The following PXDNL variants were observed in gnomAD, a reference collection of about 807,000 sequenced individuals.
PXDNL encodes the protein probable oxidoreductase PXDNL.
A neutral mutation model predicts 150.8 loss-of-function variants in PXDNL; 145 were observed. The ratio of observed to expected loss-of-function variants is 0.96; its 90% CI spans 0.84 to 1.10. The LOEUF (loss-of-function observed/expected upper bound fraction) is 1.10. PXDNL is among the 50% of genes least tolerant of loss of function. The pLI, the probability that PXDNL is intolerant of heterozygous loss-of-function variation, is 0.00. For missense variants in PXDNL, 2,087 were observed against 1,873.9 expected (o/e 1.11, Z -2.10); for synonymous variants, 757 against 725.7 (o/e 1.04, Z -0.69).
At chr8:51,701,415 A>G (rs1357891215) in intron 1 of PXDNL, among the ~76,000 whole-genome samples, 1 of 152,140 alleles carries the variant, frequency 6.6e-6, no homozygotes, top group Non-Finnish European at 1.5e-5. Context: ...ATACAGATTT[A>G]ATGCATTATT....
Position 51,372,047 on chromosome 8 carries a change from C to T in PXDNL, c.3727G>A (p.Ala1243Thr). Residue 1243 changes from alanine (A) to threonine (T), a missense_variant, in exon 19 of 23, where the codon GCA (alanine) becomes ACA (threonine). Coordinates refer to ENST00000356297, the MANE Select transcript of PXDNL (RefSeq NM_144651.5). The stretch of plus-strand genomic sequence containing the variant: ...GCCTGCTTCAGCTGAGTGAGTTGTG[C>T]CGGGGTAAATACTCCAGGGTTTTCA... Reference protein sequence around the residue: ...WYENPGVFTPAQLTQLKQASL... With the variant: ...WYENPGVFTPTQLTQLKQASL... 2 of 1,604,400 alleles carry T rather than the reference C, an allele frequency of 1.2e-6. No individual in the cohort carries two copies. The highest frequency in any genetic ancestry group is 1.1e-5 in the South Asian group (1 of 89,480).
At chr8:51,577,926 A>G (rs745486752) in intron 3 of PXDNL, among the ~76,000 whole-genome samples, 1 of 35,482 alleles carries the variant, frequency 2.8e-5, no homozygotes, top group Non-Finnish European at 6.2e-5. Context: ...AAGAAAGAAA[A>G]GAAAGAAAGA....
chr8:51,555,819 T>G (rs1263910816), intron 4 of PXDNL, among the ~76,000 whole-genome samples: 1 of 152,324 alleles, frequency 6.6e-6, no homozygotes, highest in African/African-American at 2.4e-5. Flanking sequence ...GAATAAAACA[T>G]CAAATTGCAG....
chr8:51,419,536 TC>T (rs1425097442), intron 14 of PXDNL, among the ~76,000 whole-genome samples: 1 of 152,190 alleles, frequency 6.6e-6, no homozygotes, highest in East Asian at 1.9e-4. Flanking sequence ...GTGGCCGAGA[TC>T]AGTGAAGTCT....
chr8:51,413,121 G>C, intron 15 of PXDNL, 29 bp downstream of exon 15: 1 of 1,299,802 alleles, frequency 7.7e-7, no homozygotes, highest in South Asian at 1.2e-5. Flanking sequence ...TGAAAACAAG[G>C]TTTCAATCTG....
chr8:51,674,664 G>A (rs1319334495), intron 1 of PXDNL, among the ~76,000 whole-genome samples: 1 of 152,230 alleles, frequency 6.6e-6, no homozygotes, highest in Non-Finnish European at 1.5e-5. Flanking sequence ...GTGCTGAGGA[G>A]CATGGACCTG....
At chr8:51,502,798 T>C (rs981866099) in intron 4 of PXDNL, among the ~76,000 whole-genome samples, 8 of 152,124 alleles carry the variant, frequency 5.3e-5, no homozygotes, top group Admixed American at 2.6e-4. Flanking sequence ...TCCTCCATAG[T>C]TTGCACAGGT....
At chr8:51,641,875 T>A (rs199990777) in intron 2 of PXDNL, among the ~76,000 whole-genome samples, 13,755 of 152,128 alleles carry the variant, frequency 0.09, 907 homozygotes, top group East Asian at 0.23. Context: ...AAAAGGACTA[T>A]AAATCATGCT....
chr8:51,466,161 G>A (rs1042409088), intron 8 of PXDNL, among the ~76,000 whole-genome samples: 4 of 152,036 alleles, frequency 2.6e-5, no homozygotes, highest in Admixed American at 6.6e-5. Flanking sequence ...ATTCTACAAG[G>A]CTACACTAAA....
intron 4 of PXDNL, among the ~76,000 whole-genome samples, chr8:51,524,950 C>G (rs1314172321): frequency 6.6e-6 from 1 of 152,216 alleles, no homozygotes; most frequent in Admixed American, 6.5e-5. Flanking sequence ...AACACTAAAA[C>G]TGTTGACTCA....
chr8:51,583,697 A>T (rs1253816533), intron 3 of PXDNL, among the ~76,000 whole-genome samples: 1 of 152,144 alleles, frequency 6.6e-6, no homozygotes, highest in Non-Finnish European at 1.5e-5. Context: ...CTTCCATGGT[A>T]GGTGTTTATT....
intron 1 of PXDNL, among the ~76,000 whole-genome samples, chr8:51,701,598 C>T (rs1200249241): frequency 6.6e-6 from 1 of 152,150 alleles, no homozygotes; most frequent in East Asian, 1.9e-4. Flanking sequence ...ATCATCTCTG[C>T]AGTCATATAT....
chr8:51,373,170 T>A (rs550191454), intron 18 of PXDNL, among the ~76,000 whole-genome samples: 80 of 152,284 alleles, frequency 5.3e-4, no homozygotes, highest in Non-Finnish European at 6.0e-4. Context: ...GTGTGAGCCC[T>A]AACCCAGTAT....
At chr8:51,353,013 G>A (rs915467780) in intron 19 of PXDNL, among the ~76,000 whole-genome samples, 6 of 152,030 alleles carry the variant, frequency 3.9e-5, no homozygotes, top group Admixed American at 3.9e-4. Flanking sequence ...GTACAAAGAA[G>A]TATACAACTA....
At chr8:51,662,780 A>G (rs895358564) in intron 1 of PXDNL, among the ~76,000 whole-genome samples, 3 of 152,198 alleles carry the variant, frequency 2.0e-5, no homozygotes, top group African/African-American at 7.2e-5. Flanking sequence ...AGTGTACTTT[A>G]TGAGTCTTAC....
chr8:51,752,496 C>T (rs1235048789), intron 1 of PXDNL, among the ~76,000 whole-genome samples: 1 of 152,126 alleles, frequency 6.6e-6, no homozygotes, highest in Non-Finnish European at 1.5e-5. Flanking sequence ...TCAGTCAGTG[C>T]TGAAACAGTT....
At chr8:51,376,768 G>A (rs1167853396) in intron 17 of PXDNL, among the ~76,000 whole-genome samples, 2 of 151,276 alleles carry the variant, frequency 1.3e-5, no homozygotes, top group East Asian at 3.9e-4. Flanking sequence ...CCCCAGGCTG[G>A]AGTGCAGTGG....
intron 1 of PXDNL, among the ~76,000 whole-genome samples, chr8:51,735,546 T>TG (rs1312360842): frequency 0.17 from 21,752 of 126,372 alleles, 2,012 homozygotes; most frequent in African/African-American, 0.22. Context: ...TTTTTTTTTT[T>TG]TTTTTTTTTT....
intron 4 of PXDNL, among the ~76,000 whole-genome samples, chr8:51,534,406 G>A (rs1373139046): frequency 1.2e-4 from 16 of 138,516 alleles, no homozygotes; most frequent in Non-Finnish European, 1.4e-4. Context: ...GGTGAGGGGC[G>A]CCTCTGCCCG....
Sources: gnomAD v4.1 joint callset for allele counts (sites outside exome capture counted in the v4.1 genomes callset) on GRCh38, gnomAD v4.1.1 for gene constraint, MANE v1.5 for transcripts, NCBI Gene and HGNC (gene_info 2026-07-23, HGNC 2026-07-21) for gene names.